RASAL2: variants seen among roughly 807,000 people sequenced by gnomAD.
RASAL2 encodes the protein ras GTPase-activating protein nGAP.
RASAL2 carries 58 observed loss-of-function variants against 128.9 expected under a neutral mutation model. That is an observed-to-expected ratio of 0.45 (90% CI 0.36 to 0.56). The LOEUF is 0.56. Ranked by LOEUF, RASAL2 falls within the 20% of genes least tolerant of loss-of-function variation. The pLI is 0.00. For synonymous variants in RASAL2, 561 were observed against 580.8 expected (o/e 0.97, Z 0.49); for missense variants, 1,360 against 1,601.6 (o/e 0.85, Z 2.57).
At chr1:178,288,995 G>A (rs1235013257) in intron 2 of RASAL2, among the ~76,000 whole-genome samples, 2 of 151,784 alleles carry the variant, frequency 1.3e-5, no homozygotes, top group African/African-American at 4.8e-5. Flanking sequence ...AACCTCACTT[G>A]TACCTCCAGA....
chr1:178,362,395 T>G (rs1671167682), intron 3 of RASAL2, among the ~76,000 whole-genome samples: 1 of 152,162 alleles, frequency 6.6e-6, no homozygotes, highest in Non-Finnish European at 1.5e-5. Context: ...AAATGATTAC[T>G]ACAGTCCAGC....
At chr1:178,121,446 C>T (rs1416948833) in intron 1 of RASAL2, among the ~76,000 whole-genome samples, 1 of 151,836 alleles carries the variant, frequency 6.6e-6, no homozygotes, top group Non-Finnish European at 1.5e-5. Context: ...AACCTCTCTT[C>T]TAATAGAAAT....
chr1:178,279,528 C>T (rs948645346), intron 1 of RASAL2, among the ~76,000 whole-genome samples: 12 of 152,258 alleles, frequency 7.9e-5, no homozygotes, highest in African/African-American at 2.9e-4. Context: ...TAGAATACCT[C>T]ATTGACTTTC....
chr1:178,257,421 A>ATGTGTGTGTGTGTGTGTGTG (rs1491588452), intron 1 of RASAL2, among the ~76,000 whole-genome samples: 1 of 114,578 alleles, frequency 8.7e-6, no homozygotes, highest in South Asian at 2.6e-4. Flanking sequence ...TGGCTCAGGG[A>ATGTGTGTGTGTGTGTGTGTG]TATGTGTGTG....
At chr1:178,143,812 A>G (rs1040471003) in intron 1 of RASAL2, among the ~76,000 whole-genome samples, 54 of 151,938 alleles carry the variant, frequency 3.6e-4, no homozygotes, top group African/African-American at 1.1e-3. Context: ...ATTAAAAATA[A>G]ATTTTCAAAA....
Position 178,442,689 on chromosome 1 carries a change from A to G in RASAL2, c.942A>G (p.Arg314=). 6.2e-7 allele frequency: 1 copy of G among 1,604,308 alleles called. No homozygotes were observed. The highest frequency in any genetic ancestry group is 8.5e-7 in the Non-Finnish European group (1 of 1,174,624). ...CCTCTTTATAGGACAATTGCAGGCG[A>G]GCTGAAAATGTTCTTCGTTTATGGA... ...TVQPNKDNCR[R]AENVLRLWII... is the part of the protein sequence containing the mutation. The change falls in exon 8 of 18, where the codon CGA becomes CGG. Residue 314 remains arginine, a synonymous_variant. Coordinates refer to ENST00000367649, the MANE Select transcript of RASAL2 (RefSeq NM_170692.4).
At chr1:178,325,365 G>T (rs1449887223) in intron 3 of RASAL2, among the ~76,000 whole-genome samples, 2 of 152,048 alleles carry the variant, frequency 1.3e-5, no homozygotes, top group Non-Finnish European at 2.9e-5. Flanking sequence ...AGGCCTTTAG[G>T]TTTTTTCCCT....
At position 178,238,348 on chromosome 1, in the gene RASAL2, G is replaced by A. The variant is rs140346363; in HGVS notation, c.203-45216G>A. Among the ~76,000 whole-genome samples the A allele has an allele frequency of 7.3e-3, 1,105 of 152,160 alleles. 14 individuals carry two copies. The highest frequency in any genetic ancestry group is 0.025 in the African/African-American group (1,045 of 41,522). On this transcript the variant is annotated intron_variant, in intron 1 of 17. Coordinates refer to ENST00000367649, the MANE Select transcript of RASAL2 (RefSeq NM_170692.4). ...ACATTTGGGTTGTTTCCACATTTGT[G>A]CTATTATTAATTATGCTACTATGAA...
At chr1:178,193,898 T>G (rs1163300882) in intron 1 of RASAL2, among the ~76,000 whole-genome samples, 1 of 152,218 alleles carries the variant, frequency 6.6e-6, no homozygotes, top group Non-Finnish European at 1.5e-5. Flanking sequence ...CTTTTTTGTT[T>G]TAGGAAGCTT....
chr1:178,324,044 G>A (rs1221304316), intron 3 of RASAL2, among the ~76,000 whole-genome samples: 1 of 152,158 alleles, frequency 6.6e-6, no homozygotes, highest in African/African-American at 2.4e-5. Context: ...TCTTAACCTG[G>A]ATTCAAATTC....
At chr1:178,470,555 G>T in intron 17 of RASAL2, 2 of 531,822 alleles carry the variant, frequency 3.8e-6, no homozygotes, top group Non-Finnish European at 3.3e-6. Context: ...TCACCCCTGA[G>T]CATGAGGAGA....
In RASAL2 at chr1:178,441,642, A is replaced by T. The variant is rs750003851; in HGVS notation, c.922A>T (p.Asn308Tyr). ...AAACCTTCGCAGGACAGTTCAACCT[A>T]ATAAGGTAATAGTAGCTTCAAGTAT... ...MENLRRTVQP[N>Y]KDNCRRAENV... The change falls in exon 7 of 18, where the codon AAT becomes TAT. Residue 308 changes from asparagine (N) to tyrosine (Y), a missense_variant. By Grantham distance (143) the Asn-to-Tyr change is moderately radical. Transcript: ENST00000367649. The T allele has an allele frequency of 4.4e-6, 7 of 1,608,174 alleles. No homozygotes were observed. The highest frequency in any genetic ancestry group is 6.0e-6 in the Non-Finnish European group (7 of 1,175,258).
At chr1:178,346,065 G>A (rs575302722) in intron 3 of RASAL2, among the ~76,000 whole-genome samples, 4 of 152,252 alleles carry the variant, frequency 2.6e-5, no homozygotes, top group Non-Finnish European at 2.9e-5. Context: ...AATCTCTATT[G>A]TACAGCTGAA....
chr1:178,292,099 T>A (rs954218681), intron 2 of RASAL2, among the ~76,000 whole-genome samples: 2 of 151,764 alleles, frequency 1.3e-5, no homozygotes, highest in African/African-American at 2.4e-5. Context: ...GAATTTTGCA[T>A]TGAATAATTT....
intron 5 of RASAL2, among the ~76,000 whole-genome samples, chr1:178,422,151 T>C (rs1178270084): frequency 6.6e-6 from 1 of 151,994 alleles, no homozygotes; most frequent in East Asian, 1.9e-4. Context: ...TACATTATTT[T>C]TTAACCTTGC....
chr1:178,324,874 C>T (rs1044070247), intron 3 of RASAL2, among the ~76,000 whole-genome samples: 1 of 152,122 alleles, frequency 6.6e-6, no homozygotes, highest in South Asian at 2.1e-4. Flanking sequence ...CTAACTGCCT[C>T]AAGGAATGAA....
chr1:178,374,878 C>T (rs1248383772), intron 3 of RASAL2, among the ~76,000 whole-genome samples: 1 of 152,016 alleles, frequency 6.6e-6, no homozygotes, highest in Non-Finnish European at 1.5e-5. Flanking sequence ...TAAATAAATG[C>T]AATGTTCTAG....
chr1:178,175,145 AT>A, intron 1 of RASAL2, among the ~76,000 whole-genome samples: 1 of 152,292 alleles, frequency 6.6e-6, no homozygotes, highest in South Asian at 2.1e-4. Flanking sequence ...ATAGGAAAGT[AT>A]TATCTTAGGT....
intron 3 of RASAL2, among the ~76,000 whole-genome samples, chr1:178,326,703 C>T (rs1441138565): frequency 6.6e-6 from 1 of 152,118 alleles, no homozygotes; most frequent in Non-Finnish European, 1.5e-5. Flanking sequence ...TGCCACCATG[C>T]CCGGCTAATT....
Sources: gnomAD v4.1 joint callset for allele counts (sites outside exome capture counted in the v4.1 genomes callset) on GRCh38, gnomAD v4.1.1 for gene constraint, MANE v1.5 for transcripts, NCBI Gene and HGNC (gene_info 2026-07-23, HGNC 2026-07-21) for gene names.